The following FRY variants were observed in gnomAD, a reference collection of about 807,000 sequenced individuals.
FRY encodes protein furry homolog.
FRY carries 128 observed loss-of-function variants against 348.4 expected under a neutral mutation model. The observed-to-expected ratio is 0.37, with a 90% CI of 0.32 to 0.43. The LOEUF is 0.43. Among genes scored for constraint, FRY ranks in the 20% least tolerant of loss-of-function variants. FRY has a pLI of 1.00. For missense variants in FRY, 2,736 were observed against 3,695.2 expected (o/e 0.74, Z 6.73); for synonymous variants, 1,370 against 1,374.7 (o/e 1.00, Z 0.08).
At chr13:32,229,013 G>C (rs982888818) in intron 40 of FRY, among the ~76,000 whole-genome samples, 1 of 152,152 alleles carries the variant, frequency 6.6e-6, no homozygotes, top group Non-Finnish European at 1.5e-5. Flanking sequence ...TCTGAGACTT[G>C]GCAGAGAACT....
chr13:32,084,495 T>A (rs1593594251), intron 2 of FRY, among the ~76,000 whole-genome samples: 1 of 152,118 alleles, frequency 6.6e-6, no homozygotes, highest in East Asian at 1.9e-4. Flanking sequence ...TAAGGCCCAA[T>A]CCAAAATCTC....
At chr13:32,161,010 A>C in intron 16 of FRY, 134 bp from the exon 17 acceptor site, 1 of 685,448 alleles carries the variant, frequency 1.5e-6, no homozygotes, top group Non-Finnish European at 2.6e-6. Flanking sequence ...TAAACATTTG[A>C]GAGTAATATG....
At chr13:32,158,876 C>T (rs1292673806) in intron 16 of FRY, among the ~76,000 whole-genome samples, 1 of 148,398 alleles carries the variant, frequency 6.7e-6, no homozygotes, top group East Asian at 2.0e-4. Flanking sequence ...CAAGATTGCA[C>T]CACTGCATTC....
chr13:32,217,913 C>A (rs1885091023), intron 35 of FRY, among the ~76,000 whole-genome samples: 1 of 152,118 alleles, frequency 6.6e-6, no homozygotes, highest in South Asian at 2.1e-4. Flanking sequence ...ACAAGAGAGG[C>A]CAGACCAGAG....
intron 31 of FRY, among the ~76,000 whole-genome samples, chr13:32,203,992 G>A (rs374741422): frequency 3.9e-5 from 6 of 152,172 alleles, no homozygotes; most frequent in African/African-American, 1.4e-4. Flanking sequence ...CCTAAAAATA[G>A]CTGATAACAG....
chr13:32,219,008 A>G (rs1399323389), intron 36 of FRY, among the ~76,000 whole-genome samples, 177 bp downstream of exon 36: 2 of 151,640 alleles, frequency 1.3e-5, no homozygotes, highest in Non-Finnish European at 2.9e-5. Flanking sequence ...TAAAAAAAAA[A>G]GAAAAAACCA....
chr13:32,061,450 A>G (rs1304354225), intron 1 of FRY, among the ~76,000 whole-genome samples: 1 of 152,236 alleles, frequency 6.6e-6, no homozygotes, highest in Non-Finnish European at 1.5e-5. Flanking sequence ...CTTTCACTAA[A>G]AGATTTGGTA....
intron 58 of FRY, among the ~76,000 whole-genome samples, chr13:32,287,071 A>G (rs1889109254): frequency 6.6e-6 from 1 of 151,834 alleles, no homozygotes; most frequent in African/African-American, 2.4e-5. Context: ...AGGCTGAGGC[A>G]GGAGAATCGC....
chr13:32,240,019 C>G (rs1479079117), intron 46 of FRY, 138 bp downstream of exon 46: 6 of 685,358 alleles, frequency 8.8e-6, no homozygotes, highest in Non-Finnish European at 1.2e-5. Context: ...CCATTCCCTG[C>G]CAGAGGTAAG....
chr13:32,145,500 C>T (rs1323254824), intron 11 of FRY, among the ~76,000 whole-genome samples: 2 of 150,976 alleles, frequency 1.3e-5, no homozygotes, highest in Non-Finnish European at 2.9e-5. Context: ...GATGATGAAA[C>T]CCACACTCCC....
At chr13:32,243,366 C>T (rs563420343) in intron 46 of FRY, among the ~76,000 whole-genome samples, 83 of 152,068 alleles carry the variant, frequency 5.5e-4, no homozygotes, top group Non-Finnish European at 1.1e-3. Flanking sequence ...ATGTTTTTTG[C>T]CATTATAAAT....
At chr13:32,041,061 A>T (rs1345919858) in intron 1 of FRY, among the ~76,000 whole-genome samples, 1 of 152,236 alleles carries the variant, frequency 6.6e-6, no homozygotes, top group East Asian at 1.9e-4. Context: ...TGAACATAGC[A>T]GACTGTAACC....
At chr13:32,253,318 G>T (rs1018451748) in intron 50 of FRY, among the ~76,000 whole-genome samples, 38 of 152,106 alleles carry the variant, frequency 2.5e-4, no homozygotes. Context: ...AACACTAGAG[G>T]AAAAAAGTAC....
intron 3 of FRY, among the ~76,000 whole-genome samples, chr13:32,112,790 C>T (rs781600589): frequency 3.9e-5 from 6 of 152,220 alleles, no homozygotes; most frequent in Non-Finnish European, 8.8e-5. Flanking sequence ...AACATATTCA[C>T]ACCTCTATAA....
chr13:32,083,960 T>G (rs1875680542), intron 2 of FRY, among the ~76,000 whole-genome samples: 2 of 152,204 alleles, frequency 1.3e-5, no homozygotes, highest in African/African-American at 4.8e-5. Context: ...CCTGGATAGC[T>G]ACTATGCTAC....
intron 2 of FRY, among the ~76,000 whole-genome samples, chr13:32,081,331 G>GT (rs1411333939): frequency 9.2e-5 from 14 of 152,170 alleles, no homozygotes; most frequent in Non-Finnish European, 1.5e-5. Context: ...TAGTATTATT[G>GT]TTTTTTATAA....
intron 28 of FRY, among the ~76,000 whole-genome samples, chr13:32,188,652 A>G (rs1883163563): frequency 6.6e-6 from 1 of 152,142 alleles, no homozygotes; most frequent in Non-Finnish European, 1.5e-5. Flanking sequence ...ATCTATTGCC[A>G]TGACCTTTGC....
At chr13:32,081,182 A>G (rs1875464801) in intron 2 of FRY, among the ~76,000 whole-genome samples, 1 of 152,196 alleles carries the variant, frequency 6.6e-6, no homozygotes, top group African/African-American at 2.4e-5. Context: ...TCCCCAAACA[A>G]GAAAAAAATT....
intron 17 of FRY, among the ~76,000 whole-genome samples, chr13:32,163,401 C>T (rs999226918): frequency 5.9e-5 from 9 of 152,316 alleles, no homozygotes; most frequent in African/African-American, 1.4e-4. Context: ...TTATTTAACC[C>T]TCAAGCCTAT....
Sources: allele counts gnomAD v4.1 joint callset (sites outside exome capture counted in the v4.1 genomes callset), GRCh38; gene constraint gnomAD v4.1.1; transcripts MANE v1.5; gene names NCBI Gene and HGNC (gene_info 2026-07-23, HGNC 2026-07-21).